TACR1: variants seen among roughly 807,000 people sequenced by gnomAD.
TACR1 encodes the protein tachykinin receptor 1, also known as substance-P receptor.
TACR1 carries 25 observed loss-of-function variants against 35.8 expected under a neutral mutation model. The ratio of observed to expected loss-of-function variants is 0.70; its 90% CI spans 0.51 to 0.98. TACR1 has a LOEUF of 0.98. Ranked by LOEUF, TACR1 falls within the 50% of genes least tolerant of loss-of-function variation. The pLI is 0.00. For missense variants in TACR1, 478 were observed against 522.9 expected (o/e 0.91, Z 0.84); for synonymous variants, 195 against 206.7 (o/e 0.94, Z 0.48).
intron 1 of TACR1, among the ~76,000 whole-genome samples, chr2:75,134,077 G>A (rs1674231153): frequency 6.6e-6 from 1 of 152,158 alleles, no homozygotes; most frequent in Non-Finnish European, 1.5e-5. Flanking sequence ...GTCTAAAAAG[G>A]GGAGGCATGA....
chr2:75,072,908 T>C (rs1199559115), intron 2 of TACR1, among the ~76,000 whole-genome samples: 1 of 152,242 alleles, frequency 6.6e-6, no homozygotes, highest in Non-Finnish European at 1.5e-5. Flanking sequence ...TAGATTTTTT[T>C]CAGTCTCTTA....
At chr2:75,099,974 A>G (rs1673503516) in intron 2 of TACR1, among the ~76,000 whole-genome samples, 1 of 152,222 alleles carries the variant, frequency 6.6e-6, no homozygotes, top group Non-Finnish European at 1.5e-5. Flanking sequence ...TTTATTCCCC[A>G]TTATTGTTAG....
At chr2:75,167,323 C>G (rs1675168952) in intron 1 of TACR1, among the ~76,000 whole-genome samples, 1 of 152,052 alleles carries the variant, frequency 6.6e-6, no homozygotes, top group Non-Finnish European at 1.5e-5. Flanking sequence ...GGCAAATGGG[C>G]CCAATAGATC....
chr2:75,099,483 A>G (rs1451944749), intron 2 of TACR1, among the ~76,000 whole-genome samples: 3 of 151,952 alleles, frequency 2.0e-5, no homozygotes, highest in Admixed American at 2.0e-4. Context: ...TTGTCCATCA[A>G]TCTAATCACT....
chr2:75,077,968 A>T (rs1405338639), intron 2 of TACR1, among the ~76,000 whole-genome samples: 1 of 152,224 alleles, frequency 6.6e-6, no homozygotes, highest in Non-Finnish European at 1.5e-5. Context: ...TATCTATTGC[A>T]TTACCTCTTC....
At chr2:75,107,787 T>TA (rs1673678143) in intron 2 of TACR1, among the ~76,000 whole-genome samples, 2 of 151,524 alleles carry the variant, frequency 1.3e-5, no homozygotes, top group African/African-American at 2.4e-5. Context: ...AGTATTAAAA[T>TA]AAAAAATCCA....
intron 2 of TACR1, among the ~76,000 whole-genome samples, chr2:75,104,128 T>C (rs1209810093): frequency 1.3e-5 from 2 of 151,910 alleles, no homozygotes; most frequent in Non-Finnish European, 1.5e-5. Context: ...GCTTAATGGA[T>C]TGAAAAATTA....
chr2:75,147,073 C>T (rs17010825), intron 1 of TACR1, among the ~76,000 whole-genome samples: 11,411 of 152,204 alleles, frequency 0.075, 886 homozygotes, highest in African/African-American at 0.2. Context: ...ATTGTTTCAG[C>T]CATCAGACGG....
intron 1 of TACR1, among the ~76,000 whole-genome samples, chr2:75,139,244 C>A (rs1401586684): frequency 6.6e-6 from 1 of 152,146 alleles, no homozygotes; most frequent in East Asian, 1.9e-4. Flanking sequence ...TCAGGTATTA[C>A]CATCCATATT....
At chr2:75,194,370 T>A (rs1378593078) in intron 1 of TACR1, among the ~76,000 whole-genome samples, 1 of 152,148 alleles carries the variant, frequency 6.6e-6, no homozygotes, top group Non-Finnish European at 1.5e-5. Context: ...CAGCAGTGCA[T>A]GGTAATGGGT....
intron 1 of TACR1, among the ~76,000 whole-genome samples, chr2:75,190,548 A>G (rs1675819448): frequency 6.6e-6 from 1 of 152,220 alleles, no homozygotes; most frequent in Non-Finnish European, 1.5e-5. Flanking sequence ...CGTATAATGG[A>G]TATGATTGTG....
chr2:75,052,330 G>A (rs906279755), intron 3 of TACR1, among the ~76,000 whole-genome samples: 13 of 152,162 alleles, frequency 8.5e-5, no homozygotes, highest in East Asian at 3.8e-4. Context: ...CACCAAATCC[G>A]TCTGTGCTTT....
At chr2:75,132,542 A>T (rs1254887875) in intron 1 of TACR1, among the ~76,000 whole-genome samples, 1 of 152,214 alleles carries the variant, frequency 6.6e-6, no homozygotes, top group Non-Finnish European at 1.5e-5. Flanking sequence ...ATACATAATA[A>T]ACATAATTTA....
chr2:75,197,137 A>C (rs1209440165), intron 1 of TACR1, among the ~76,000 whole-genome samples: 1 of 152,238 alleles, frequency 6.6e-6, no homozygotes, highest in Non-Finnish European at 1.5e-5. Flanking sequence ...ATCTACATTT[A>C]AAATACAAAC....
intron 1 of TACR1, among the ~76,000 whole-genome samples, chr2:75,121,177 T>A (rs1017051731): frequency 2.0e-5 from 3 of 152,210 alleles, no homozygotes; most frequent in Non-Finnish European, 4.4e-5. Flanking sequence ...AGAATAGTAC[T>A]TTTTTTCAGT....
intron 1 of TACR1, among the ~76,000 whole-genome samples, chr2:75,126,410 T>A (rs1674073024): frequency 2.0e-5 from 3 of 152,206 alleles, no homozygotes; most frequent in Admixed American, 2.0e-4. Flanking sequence ...GCATGTATCC[T>A]TATAATAAAA....
At chr2:75,169,084 T>G (rs967113836) in intron 1 of TACR1, among the ~76,000 whole-genome samples, 6 of 152,194 alleles carry the variant, frequency 3.9e-5, no homozygotes, top group African/African-American at 1.4e-4. Context: ...CCAACCCTAA[T>G]TAAATCTTTA....
intron 2 of TACR1, among the ~76,000 whole-genome samples, chr2:75,059,925 CTTGATAGT>C (rs1672640203): frequency 6.6e-6 from 1 of 152,190 alleles, no homozygotes; most frequent in African/African-American, 2.4e-5. Context: ...CATGTGGCTT[CTTGATAGT>C]AAAAGAAAGC....
chr2:75,143,535 C>G (rs1674449749), intron 1 of TACR1, among the ~76,000 whole-genome samples: 1 of 152,204 alleles, frequency 6.6e-6, no homozygotes, highest in Non-Finnish European at 1.5e-5. Context: ...TGTTCAGCAT[C>G]TATTAGCTAA....
Sources: allele counts gnomAD v4.1 joint callset (sites outside exome capture counted in the v4.1 genomes callset), GRCh38; gene constraint gnomAD v4.1.1; transcripts MANE v1.5; gene names NCBI Gene and HGNC (gene_info 2026-07-23, HGNC 2026-07-21).